The following STPG2 variants were observed in gnomAD, a reference collection of about 807,000 sequenced individuals.
STPG2 encodes sperm tail PG-rich repeat containing 2.
A neutral mutation model predicts 54.2 loss-of-function variants in STPG2; 56 were observed. The observed-to-expected ratio is 1.03, with a 90% confidence interval of 0.83 to 1.29. The LOEUF (loss-of-function observed/expected upper bound fraction) is 1.29, where lower values mean the gene tolerates loss of function less well. Ranked by LOEUF, STPG2 falls within the 50% of genes most tolerant of loss-of-function variation. The pLI is 0.00. For synonymous variants in STPG2, 200 were observed against 181.8 expected (o/e 1.10, Z -0.81); for missense variants, 596 against 544.9 (o/e 1.09, Z -0.93).
chr4:97,708,883 G>T (rs1361660678), intron 10 of STPG2, among the ~76,000 whole-genome samples: 1 of 151,300 alleles, frequency 6.6e-6, no homozygotes, highest in Non-Finnish European at 1.5e-5. Flanking sequence ...CTAACAAAAG[G>T]ATTTTCTAAA....
intron 5 of STPG2, among the ~76,000 whole-genome samples, chr4:97,984,721 G>T (rs1734778141): frequency 6.6e-6 from 1 of 152,084 alleles, no homozygotes; most frequent in South Asian, 2.1e-4. Context: ...TTGAAGTGTA[G>T]TCAAAGAAGT....
At chr4:97,811,607 G>A (rs1038272398) in intron 9 of STPG2, among the ~76,000 whole-genome samples, 1 of 152,012 alleles carries the variant, frequency 6.6e-6, no homozygotes, top group African/African-American at 2.4e-5. Flanking sequence ...CAATTTGTAG[G>A]TTACTGCTTC....
chr4:97,450,271 CCTT>C (rs1277011288), intron 4 of STPG2, among the ~76,000 whole-genome samples: 2 of 152,136 alleles, frequency 1.3e-5, no homozygotes, highest in Non-Finnish European at 2.9e-5. Flanking sequence ...CTTATTCCCT[CCTT>C]CTTTTATTTA....
At chr4:97,985,641 A>T (rs984539512) in intron 5 of STPG2, among the ~76,000 whole-genome samples, 1 of 152,172 alleles carries the variant, frequency 6.6e-6, no homozygotes, top group Non-Finnish European at 1.5e-5. Flanking sequence ...ATTCAAATAA[A>T]CATTAACATT....
intron 8 of STPG2, among the ~76,000 whole-genome samples, chr4:97,909,616 C>T (rs945968225): frequency 1.2e-4 from 18 of 152,044 alleles, no homozygotes; most frequent in Non-Finnish European, 2.6e-4. Flanking sequence ...AAAACACCTA[C>T]ATTTTATTCA....
intron 4 of STPG2, among the ~76,000 whole-genome samples, chr4:97,484,183 A>T (rs1730296259): frequency 6.6e-6 from 1 of 151,812 alleles, no homozygotes; most frequent in Non-Finnish European, 1.5e-5. Context: ...AGAACAAGTC[A>T]AACCCAAACC....
At chr4:97,533,103 G>A (rs1406288620) in intron 4 of STPG2, among the ~76,000 whole-genome samples, 2 of 151,904 alleles carry the variant, frequency 1.3e-5, no homozygotes, top group African/African-American at 2.4e-5. Flanking sequence ...GGATGGTTTC[G>A]ATCTTCTGAC....
intron 10 of STPG2, among the ~76,000 whole-genome samples, chr4:97,624,340 A>G (rs907237398): frequency 2.0e-5 from 3 of 151,772 alleles, no homozygotes; most frequent in African/African-American, 7.3e-5. Flanking sequence ...TTCTGATCTC[A>G]TTGTGGTTTT....
intron 3 of STPG2, among the ~76,000 whole-genome samples, chr4:98,124,187 AC>A (rs1739768343): frequency 6.6e-6 from 1 of 152,094 alleles, no homozygotes; most frequent in Admixed American, 6.6e-5. Context: ...TTTAAGGTTA[AC>A]ATTGTTATGT....
At chr4:98,125,129 G>A (rs1012189112) in intron 3 of STPG2, among the ~76,000 whole-genome samples, 5 of 152,054 alleles carry the variant, frequency 3.3e-5, no homozygotes, top group East Asian at 1.9e-4. Context: ...TGCTCCTTTC[G>A]TTCAGTGAAG....
intron 4 of STPG2, among the ~76,000 whole-genome samples, chr4:97,542,394 A>G (rs755830187): frequency 2.0e-4 from 30 of 152,260 alleles, no homozygotes; most frequent in Non-Finnish European, 3.7e-4. Flanking sequence ...GCCATCAGAG[A>G]AATGGATATC....
At chr4:97,936,463 T>C (rs1732750025) in intron 8 of STPG2, among the ~76,000 whole-genome samples, 1 of 152,248 alleles carries the variant, frequency 6.6e-6, no homozygotes. Flanking sequence ...ATGCGGTTTC[T>C]TCATTGTTTC....
intron 3 of STPG2, among the ~76,000 whole-genome samples, chr4:98,126,033 T>C (rs1739820384): frequency 6.6e-6 from 1 of 152,188 alleles, no homozygotes; most frequent in South Asian, 2.1e-4. Flanking sequence ...AACAGCCAAC[T>C]GTAGCTGCAG....
intron 4 of STPG2, among the ~76,000 whole-genome samples, chr4:97,454,251 C>T (rs1004585385): frequency 2.0e-4 from 30 of 151,960 alleles, no homozygotes; most frequent in African/African-American, 5.6e-4. Context: ...CGGTGGCTAA[C>T]GCCTGTAATC....
intron 5 of STPG2, among the ~76,000 whole-genome samples, chr4:98,090,290 C>G (rs963012165): frequency 1.3e-5 from 2 of 152,016 alleles, no homozygotes; most frequent in African/African-American, 2.4e-5. Flanking sequence ...TTCCCAGCAC[C>G]ATTTATAGAA....
At chr4:97,945,590 T>C (rs550346350) in intron 7 of STPG2, among the ~76,000 whole-genome samples, 11 of 152,312 alleles carry the variant, frequency 7.2e-5, no homozygotes, top group Non-Finnish European at 1.6e-4. Flanking sequence ...GTGGGATTAC[T>C]AGATCAAATC....
chr4:97,998,540 A>G (rs142178716), intron 5 of STPG2, among the ~76,000 whole-genome samples: 297 of 152,284 alleles, frequency 2.0e-3, no homozygotes, highest in African/African-American at 7.0e-3. Context: ...GAGAAGGTTA[A>G]CTCCAGTAAG....
chr4:98,084,012 C>G (rs1340783426), intron 5 of STPG2, among the ~76,000 whole-genome samples: 7 of 151,950 alleles, frequency 4.6e-5, no homozygotes, highest in Non-Finnish European at 1.0e-4. Flanking sequence ...AGCTACCCCA[C>G]CCAGCTGTTT....
chr4:97,657,941 G>A (rs547333851), intron 10 of STPG2, among the ~76,000 whole-genome samples: 3 of 152,334 alleles, frequency 2.0e-5, no homozygotes, highest in African/African-American at 7.2e-5. Flanking sequence ...AAGACTGTGT[G>A]AGAAACATGG....
Sources: allele counts gnomAD v4.1 joint callset (sites outside exome capture counted in the v4.1 genomes callset), GRCh38; gene constraint gnomAD v4.1.1; transcripts MANE v1.5; gene names NCBI Gene and HGNC (gene_info 2026-07-23, HGNC 2026-07-21).